Variants in PIBF1 observed in about 807,000 individuals in gnomAD.
PIBF1 encodes progesterone immunomodulatory binding factor 1, also known as progesterone-induced-blocking factor 1.
Under a neutral mutation model 112.5 loss-of-function variants are expected in PIBF1, and 90 were observed. The ratio of observed to expected loss-of-function variants is 0.80; its 90% confidence interval spans 0.67 to 0.95. The LOEUF is 0.95. Among genes scored for constraint, PIBF1 ranks in the 40% least tolerant of loss-of-function variants. The pLI is 0.00. For synonymous variants in PIBF1, 301 were observed against 288.6 expected (o/e 1.04, Z -0.44); for missense variants, 915 against 852.3 (o/e 1.07, Z -0.92).
At position 72,812,474 on chromosome 13, in the gene PIBF1, G is replaced by A. The variant is rs528724633; in HGVS notation, c.673-9375G>A. Among the ~76,000 whole-genome samples the A allele has an allele frequency of 7.2e-5, 11 of 152,242 alleles. No homozygotes were observed. In the South Asian group the frequency reaches 1.0e-3, roughly 14 times the overall value. ...TGTCCAGGCACAGTGGCTCACGGCT[G>A]TAATCCCAGCACTTTGGGAGGCCAA... On this transcript the variant is annotated intron_variant, in intron 5 of 17. Transcript: ENST00000326291.
chr13:72,852,477 C>G (rs2038209898), intron 9 of PIBF1, among the ~76,000 whole-genome samples: 1 of 152,218 alleles, frequency 6.6e-6, no homozygotes. Context: ...CTGCTCTGCA[C>G]TTGGCTTGCC....
At position 72,917,110 on chromosome 13, in the gene PIBF1, T is replaced by C; in HGVS notation, c.1674T>C (p.Phe558=). Residue 558 remains phenylalanine (F), a synonymous_variant, in exon 13 of 18, where the codon TTT becomes TTC. Transcript: ENST00000326291. ...AAGATGAGGCTGAAAGGGTTCTTTT[T>C]TCCTACGGCTATGGTGCTAATGTTC... The part of the protein sequence containing the change: ...ENEDEAERVL[F]SYGYGANVPT... The C allele has an allele frequency of 1.9e-6, 3 of 1,598,744 alleles. No individual in the cohort carries two copies. The highest frequency in any genetic ancestry group is 2.6e-6 in the Non-Finnish European group (3 of 1,172,390).
At chr13:72,955,201 T>C (rs2042409227) in intron 14 of PIBF1, among the ~76,000 whole-genome samples, 1 of 152,204 alleles carries the variant, frequency 6.6e-6, no homozygotes, top group Non-Finnish European at 1.5e-5. Context: ...TTCACTTTCA[T>C]TGTAGTAGTA....
chr13:72,877,445 G>T (rs2039455790), intron 10 of PIBF1, among the ~76,000 whole-genome samples: 1 of 152,176 alleles, frequency 6.6e-6, no homozygotes, highest in African/African-American at 2.4e-5. Context: ...GGTGGATACT[G>T]TAGAGAACTG....
At chr13:72,911,836 A>T (rs2040904130) in intron 12 of PIBF1, among the ~76,000 whole-genome samples, 1 of 152,154 alleles carries the variant, frequency 6.6e-6, no homozygotes. Context: ...CCTTCTAGAG[A>T]TGTCCATGTC....
chr13:72,955,048 AATT>A, intron 14 of PIBF1, among the ~76,000 whole-genome samples: 1 of 152,306 alleles, frequency 6.6e-6, no homozygotes, highest in South Asian at 2.1e-4. Flanking sequence ...GATGCTCAGA[AATT>A]ATTATTAACT....
intron 14 of PIBF1, among the ~76,000 whole-genome samples, chr13:72,954,492 T>C: frequency 6.6e-6 from 1 of 152,232 alleles, no homozygotes; most frequent in Non-Finnish European, 1.5e-5. Context: ...TTCTGTGAGG[T>C]AGGATCAGGA....
At chr13:72,798,128 G>T in intron 5 of PIBF1, 102 bp downstream of exon 5, 2 of 1,211,742 alleles carry the variant, frequency 1.7e-6, no homozygotes, top group Non-Finnish European at 2.3e-6. Flanking sequence ...ATTGAAAAAT[G>T]GGACTATGGG....
At chr13:72,801,941 T>A (rs973318334) in intron 5 of PIBF1, among the ~76,000 whole-genome samples, 1 of 152,216 alleles carries the variant, frequency 6.6e-6, no homozygotes, top group African/African-American at 2.4e-5. Context: ...GTAAACAAAT[T>A]ATGTAAAACT....
intron 10 of PIBF1, chr13:72,884,667 C>T (rs1043261523): frequency 7.2e-5 from 11 of 151,778 alleles, no homozygotes; most frequent in African/African-American, 2.7e-4. Context: ...TAAATAAATA[C>T]CAAGGTATGT....
Position 72,807,594 on chromosome 13 carries a change from A to G in PIBF1, c.672+9568A>G, listed in dbSNP as rs533064210. Among the ~76,000 whole-genome samples, 133 of 152,184 alleles carry G rather than the reference A, an allele frequency of 8.7e-4. 2 individuals carry two copies. The highest frequency in any genetic ancestry group is 9.7e-4 in the Non-Finnish European group (66 of 67,998). On this transcript the variant is annotated intron_variant, in intron 5 of 17. Transcript: ENST00000326291. ...TGTCTCAAAAAAAAAAATTTAATAC[A>G]TTTATTGATGAGGAAGCACAAAGTA... is the stretch of plus-strand genomic sequence containing the variant.
chr13:72,825,669 A>G (rs1181056213), intron 6 of PIBF1, among the ~76,000 whole-genome samples: 1 of 152,214 alleles, frequency 6.6e-6, no homozygotes, highest in Non-Finnish European at 1.5e-5. Context: ...ATATATTCAC[A>G]TATATTAACA....
rs1413170078 is a variant in PIBF1 at position 72,931,179 on chromosome 13, G to T, written c.1745G>T (p.Arg582Ile). The change falls in exon 14 of 18, where the codon AGA (arginine) becomes ATA (isoleucine). Residue 582 changes from arginine (R) to isoleucine (I), a missense_variant. Arg to Ile is a moderately conservative substitution (Grantham distance 97). Coordinates refer to ENST00000326291, the MANE Select transcript of PIBF1 (RefSeq NM_006346.4). ...RRLKQSVHLARRVLQLEKQNS... is the reference protein window; with the variant it reads ...RRLKQSVHLAIRVLQLEKQNS... ...CATTTGCCTAGTGTTCACTTGGCAA[G>T]AAGAGTGCTTCAATTAGAAAAACAA... The T allele has an allele frequency of 6.2e-7, 1 of 1,610,594 alleles. No individual in the cohort carries two copies. Among genetic ancestry groups the T allele is most frequent in the Non-Finnish European group, 8.5e-7 (1 of 1,177,460 alleles).
In PIBF1 at chr13:72,973,891, G is replaced by A. The variant is rs976458152; in HGVS notation, c.2049+216G>A. On this transcript the variant is annotated intron_variant, in intron 16 of 17. Transcript: ENST00000326291. The stretch of plus-strand genomic sequence containing the variant: ...ACCCCTTCTTGTTGTGTTGATATCT[G>A]TCACTGAATTTCCCCATATTATTTA... 19 of 477,186 alleles carry A rather than the reference G, an allele frequency of 4.0e-5. No individual in the cohort carries two copies. In the Admixed American group the frequency reaches 5.1e-4, roughly 13 times the overall value. 29.6% of individuals were successfully genotyped at this position (477,186 alleles called of 1,614,324 possible). A position where few individuals can be genotyped will look rare whatever the true frequency, so the allele number is the denominator to read the frequency against.
At position 72,931,183 on chromosome 13, in the gene PIBF1, AGT is replaced by A; in HGVS notation, c.1751_1752del (p.Val584AlafsTer29). ...TGCCTAGTGTTCACTTGGCAAGAAG[AGT>A]GCTTCAATTAGAAAAACAAAACTCG... is the stretch of plus-strand genomic sequence containing the variant. ...LKQSVHLARR[V>X]LQLEKQNSLI... On this transcript the variant is annotated frameshift_variant, in exon 14 of 18. Transcript: ENST00000326291. LOFTEE classifies it high-confidence loss of function. 1 of 1,611,126 alleles carries A rather than the reference AGT, an allele frequency of 6.2e-7. No individual in the cohort carries two copies. The highest frequency in any genetic ancestry group is 8.5e-7 in the Non-Finnish European group (1 of 1,177,746).
intron 17 of PIBF1, among the ~76,000 whole-genome samples, chr13:72,999,226 A>G (rs768235609): frequency 1.3e-5 from 2 of 152,160 alleles, no homozygotes; most frequent in Admixed American, 6.5e-5. Context: ...ATCAATTAAC[A>G]TAAACTGAAA....
At chr13:73,015,280 C>T (rs144738660) in intron 17 of PIBF1, among the ~76,000 whole-genome samples, 130 of 152,344 alleles carry the variant, frequency 8.5e-4, no homozygotes, top group Admixed American at 2.2e-3. Flanking sequence ...GCATGAGCCA[C>T]CGCGCCCAGC....
chr13:72,952,033 C>CTATTTTTTTT (rs1385386863), intron 14 of PIBF1, among the ~76,000 whole-genome samples: 3 of 103,610 alleles, frequency 2.9e-5, no homozygotes, highest in Non-Finnish European at 5.9e-5. Context: ...CTTTTCTTTT[C>CTATTTTTTTT]TCTTTTTTTT....
At chr13:72,972,757 T>TA (rs2042929600) in intron 15 of PIBF1, among the ~76,000 whole-genome samples, 1 of 152,242 alleles carries the variant, frequency 6.6e-6, no homozygotes. Flanking sequence ...ATTCATTAGA[T>TA]AATTGCCACC....
Sources: allele counts gnomAD v4.1 joint callset (sites outside exome capture counted in the v4.1 genomes callset), GRCh38; gene constraint gnomAD v4.1.1; transcripts MANE v1.5; gene names NCBI Gene and HGNC (gene_info 2026-07-23, HGNC 2026-07-21).